The following COL18A1 variants were observed in gnomAD, a reference collection of about 807,000 sequenced individuals.
The protein encoded by COL18A1 is collagen alpha-1(XVIII) chain.
In COL18A1, 133 loss-of-function variants were observed where a neutral mutation model predicts 168.0. The observed-to-expected ratio is 0.79, with a 90% CI of 0.69 to 0.91. The LOEUF is 0.91. Ranked by LOEUF, COL18A1 falls within the 40% of genes least tolerant of loss-of-function variation. COL18A1 has a pLI of 0.00. For synonymous variants in COL18A1, 949 were observed against 809.0 expected, an observed-to-expected ratio of 1.17 and a Z score of -2.94; for missense variants, 2,126 against 1,925.4, an observed-to-expected ratio of 1.10 and a Z score of -1.95.
At chr21:45,509,622 G>C (rs1263314280) in intron 39 of COL18A1, 21 bp downstream of exon 39, 2 of 1,339,652 alleles carry the variant, frequency 1.5e-6, no homozygotes, top group African/African-American at 2.9e-5. Flanking sequence ...CCCCAAAGTG[G>C]GCTTGGCTCC....
intron 20 of COL18A1, 79 bp from the exon 21 acceptor site, chr21:45,490,757 T>G: frequency 6.9e-7 from 1 of 1,441,530 alleles, no homozygotes; most frequent in Admixed American, 2.0e-5. Flanking sequence ...CCCCACATCT[T>G]CATCAGAGCC....
intron 2 of COL18A1, among the ~76,000 whole-genome samples, chr21:45,414,577 C>T (rs754720009): frequency 7.9e-5 from 12 of 152,130 alleles, no homozygotes; most frequent in Admixed American, 1.3e-4. Context: ...ACCCTGCGGC[C>T]GACTCTGCCC....
Position 45,488,746 on chromosome 21 carries a change from G to A in COL18A1, c.1923+302G>A, listed in dbSNP as rs901610665. Among the ~76,000 whole-genome samples the A allele has an allele frequency of 5.9e-5, 9 of 152,232 alleles. No homozygotes were observed. The East Asian group carries it at 1.5e-3, about 26-fold the overall frequency. Reference sequence around the variant, plus strand: ...TCTCAGACTTGGGCCGAAAAGAGGGGCATAGGGGAAGAACTCAGGGTCCCC... The same window carrying A: ...TCTCAGACTTGGGCCGAAAAGAGGGACATAGGGGAAGAACTCAGGGTCCCC... On this transcript the variant is annotated intron_variant, in intron 18 of 41. Coordinates refer to ENST00000651438, the MANE Select transcript of COL18A1 (RefSeq NM_001379500.1).
In COL18A1 at chr21:45,505,116, T is replaced by C; in HGVS notation, c.2869-18T>C. ...GGGCACGAGGTAACCAGGAAGCGTC[T>C]CTTGTCGCCGTCCGTAGGGTCCCAA... On this transcript the variant is annotated intron_variant, in intron 34 of 41. Coordinates refer to ENST00000651438, the MANE Select transcript of COL18A1 (RefSeq NM_001379500.1). 3.1e-6 allele frequency: 5 copies of C among 1,605,872 alleles called. No homozygotes were observed. Among genetic ancestry groups the C allele is most frequent in the Non-Finnish European group, 4.2e-6 (5 of 1,178,200 alleles).
chr21:45,476,359 C>A lies in COL18A1; in HGVS notation c.807C>A (p.Ala269=). 1 of 1,614,102 alleles carries A rather than the reference C, an allele frequency of 6.2e-7. No individual in the cohort carries two copies. Among genetic ancestry groups the A allele is most frequent in the Non-Finnish European group, 8.5e-7 (1 of 1,180,012 alleles). ...CCCCTCTCGTCCTCCAGGGCGCGGC[C>A]CTAAAACCCAGGCTCCCCGCGCCAC... ...RELLREETGA[A]LKPRLPAPPP... Residue 269 remains alanine (A), a synonymous_variant, in exon 6 of 42, where the codon GCC becomes GCA. Coordinates refer to ENST00000651438, the MANE Select transcript of COL18A1 (RefSeq NM_001379500.1).
intron 9 of COL18A1, among the ~76,000 whole-genome samples, chr21:45,479,625 A>T (rs7276446): frequency 0.057 from 8,677 of 152,052 alleles, 262 homozygotes; most frequent in South Asian, 0.081. Context: ...ACATGTATGT[A>T]ACACCCAAGC....
At position 45,405,456 on chromosome 21, in the gene COL18A1, C is replaced by T; in HGVS notation, c.89C>T (p.Ala30Val). 7.3e-7 allele frequency: 1 copy of T among 1,378,728 alleles called. No individual in the cohort carries two copies. Among genetic ancestry groups the T allele is most frequent in the Non-Finnish European group, 9.5e-7 (1 of 1,058,106 alleles). The allele number at this position is 1,378,728 out of a possible 1,614,324, so 85.4% of individuals were successfully genotyped here. Residue 30 changes from alanine to valine, a missense_variant, in exon 2 of 42, where the codon GCG (alanine) becomes GTG (valine). Ala to Val is a moderately conservative substitution (Grantham distance 64, BLOSUM62 0). Transcript: ENST00000651438. ...APLVLLLGVR[A>V]ASAEPERISE... ...CTGGTCCTGCTGCTCGGGGTCCGCG[C>T]GGCCTCCGCGGAGCCAGGTAAGACC...
chr21:45,413,380 G>A (rs1035438527), intron 2 of COL18A1, among the ~76,000 whole-genome samples: 8 of 152,230 alleles, frequency 5.3e-5, no homozygotes, highest in South Asian at 2.1e-4. Context: ...CCCCTGTCGC[G>A]GGGACCCAGG....
rs2036569126 is a variant in COL18A1, at chr21:45,497,097, G to A, written c.2620+5G>A. On this transcript the variant is annotated splice_donor_5th_base_variant and intron_variant, in intron 31 of 41. Coordinates refer to ENST00000651438, the MANE Select transcript of COL18A1 (RefSeq NM_001379500.1). ...CCGGGCCTCCAGGATTGCCAGGTGA[G>A]GGTCCTGGGCTCACAGCTGGGGACA... The A allele has an allele frequency of 6.4e-7, 1 of 1,568,728 alleles. No individual in the cohort carries two copies. Among genetic ancestry groups the A allele is most frequent in the Non-Finnish European group, 8.7e-7 (1 of 1,148,050 alleles).
intron 32 of COL18A1, 87 bp downstream of exon 32, chr21:45,497,748 A>C (rs1444275600): frequency 2.0e-6 from 3 of 1,529,744 alleles, no homozygotes; most frequent in Non-Finnish European, 8.8e-7. Flanking sequence ...CACCACAAGC[A>C]GGTCCTGGAC....
intron 21 of COL18A1, 62 bp downstream of exon 21, chr21:45,490,933 G>C: frequency 2.0e-6 from 3 of 1,472,678 alleles, no homozygotes; most frequent in South Asian, 1.2e-5. Context: ...AGAAGGTTTG[G>C]CCTCAGCTGC....
At chr21:45,454,104 G>A (rs959150533) in intron 2 of COL18A1, among the ~76,000 whole-genome samples, 4 of 152,214 alleles carry the variant, frequency 2.6e-5, no homozygotes, top group African/African-American at 4.8e-5. Flanking sequence ...TCTCTGAGAC[G>A]AGTTTGAGCA....
chr21:45,431,552 G>C (rs561044709), intron 2 of COL18A1, among the ~76,000 whole-genome samples: 16 of 147,338 alleles, frequency 1.1e-4, no homozygotes, highest in African/African-American at 3.9e-4. Context: ...GCCCAGGGGA[G>C]GGGGGCAGGC....
In COL18A1 at chr21:45,476,378, G is replaced by A. The variant is rs780610411; in HGVS notation, c.826G>A (p.Ala276Thr). The A allele has an allele frequency of 1.2e-5, 20 of 1,613,936 alleles. No homozygotes were observed. The highest frequency in any genetic ancestry group is 1.2e-4 in the Admixed American group (7 of 60,004). ...CGCGGCCCTAAAACCCAGGCTCCCC[G>A]CGCCACCCCCCGTCACCACGCCACC... ...TGAALKPRLP[A>T]PPPVTTPPLA... Residue 276 changes from alanine to threonine, a missense_variant, in exon 6 of 42, where the codon GCG (alanine) becomes ACG (threonine). Ala to Thr is a moderately conservative substitution (Grantham distance 58). Coordinates refer to ENST00000651438, the MANE Select transcript of COL18A1 (RefSeq NM_001379500.1).
At chr21:45,478,408 C>G in intron 9 of COL18A1, 55 bp downstream of exon 9, 3 of 1,612,864 alleles carry the variant, frequency 1.9e-6, no homozygotes, top group Non-Finnish European at 1.7e-6. Flanking sequence ...TGCTTAGACC[C>G]CAGGGCTTTG....
chr21:45,410,232 T>G (rs2033248486), intron 2 of COL18A1, among the ~76,000 whole-genome samples: 1 of 149,516 alleles, frequency 6.7e-6, no homozygotes, highest in South Asian at 2.1e-4. Flanking sequence ...TGGTGGCAGA[T>G]GGGGTCACCT....
chr21:45,495,267 C>A, intron 28 of COL18A1, 91 bp from the exon 29 acceptor site: 1 of 1,105,960 alleles, frequency 9.0e-7, no homozygotes, highest in Non-Finnish European at 1.3e-6. Flanking sequence ...GCCGGCCGGG[C>A]CTGGCGTGGG....
intron 2 of COL18A1, among the ~76,000 whole-genome samples, chr21:45,414,774 G>A (rs140996039): frequency 6.6e-6 from 1 of 152,224 alleles, no homozygotes; most frequent in African/African-American, 2.4e-5. Context: ...CCGATCACAC[G>A]CATAGAAGGC....
At chr21:45,502,071 AGGACCCCCAGGGGCTCCAC>A (rs2036894565) in intron 32 of COL18A1, among the ~76,000 whole-genome samples, 1 of 109,268 alleles carries the variant, frequency 9.2e-6, no homozygotes, top group Non-Finnish European at 1.8e-5. Flanking sequence ...CCTCTGCCGA[AGGACCCCCAGGGGCTCCAC>A]AGCCGGTCAC....
Sources: gnomAD v4.1 joint callset for allele counts (sites outside exome capture counted in the v4.1 genomes callset) on GRCh38, gnomAD v4.1.1 for gene constraint, MANE v1.5 for transcripts, NCBI Gene and HGNC (gene_info 2026-07-23, HGNC 2026-07-21) for gene names.